The following SHROOM4 variants were observed in gnomAD, a reference collection of about 807,000 sequenced individuals.
SHROOM4 encodes protein Shroom4.
A neutral mutation model predicts 80.3 loss-of-function variants in SHROOM4; 17 were observed. The observed-to-expected ratio is 0.21, with a 90% CI of 0.14 to 0.32. The LOEUF (loss-of-function observed/expected upper bound fraction) is 0.32, where lower values mean the gene tolerates loss of function less well. Among genes scored for constraint, SHROOM4 ranks in the 10% least tolerant of loss-of-function variants. SHROOM4 has a pLI of 1.00. For missense variants in SHROOM4, 993 were observed against 1,140.3 expected (o/e 0.87, Z 1.86); for synonymous variants, 400 against 437.5 (o/e 0.91, Z 1.07).
intron 2 of SHROOM4, among the ~76,000 whole-genome samples, chrX:50,641,377 C>T (rs1178893250): frequency 8.9e-6 from 1 of 112,314 alleles, no homozygotes. Flanking sequence ...ACAATAATTC[C>T]TATCTGGCTA....
At chrX:50,687,390 A>G (rs1239972879) in intron 2 of SHROOM4, among the ~76,000 whole-genome samples, 1 of 110,422 alleles carries the variant, frequency 9.1e-6, no homozygotes, top group Non-Finnish European at 1.9e-5. Flanking sequence ...AGATTTGGCC[A>G]CAGACCATAG....
chrX:50,774,580 C>G (rs1272520037), intron 1 of SHROOM4, among the ~76,000 whole-genome samples: 1 of 109,663 alleles, frequency 9.1e-6, no homozygotes, highest in African/African-American at 3.3e-5. Flanking sequence ...ATAATCCTCA[C>G]CCACCAGGTG....
chrX:50,701,191 G>A (rs1397853538), intron 1 of SHROOM4, among the ~76,000 whole-genome samples: 1 of 112,034 alleles, frequency 8.9e-6, no homozygotes, highest in Non-Finnish European at 1.9e-5. Context: ...ATTAGCTCCA[G>A]TCAAATTCTA....
At chrX:50,693,660 T>G (rs1328898102) in intron 2 of SHROOM4, among the ~76,000 whole-genome samples, 1 of 108,713 alleles carries the variant, frequency 9.2e-6, no homozygotes, top group South Asian at 4.1e-4. Context: ...TACATACATA[T>G]AATGTGTAAT....
At chrX:50,602,486 T>G in intron 7 of SHROOM4, 147 bp downstream of exon 7, 2 of 554,859 alleles carry the variant, frequency 3.6e-6, no homozygotes, top group East Asian at 6.8e-5. Context: ...AGGACTTGGA[T>G]CTGTGAGAAA....
chrX:50,652,568 T>G (rs1297073966), intron 2 of SHROOM4, among the ~76,000 whole-genome samples: 1 of 112,177 alleles, frequency 8.9e-6, no homozygotes, highest in Non-Finnish European at 1.9e-5. Context: ...AGAAGCTCTT[T>G]AGTTTAATTA....
intron 1 of SHROOM4, among the ~76,000 whole-genome samples, chrX:50,705,477 A>G (rs926621391): frequency 1.8e-5 from 2 of 111,496 alleles, no homozygotes; most frequent in East Asian, 2.8e-4. Flanking sequence ...TTTTAAGTTA[A>G]GGCTGGATAA....
chrX:50,792,209 A>G (rs1252291580), intron 1 of SHROOM4, among the ~76,000 whole-genome samples: 4 of 112,293 alleles, frequency 3.6e-5, no homozygotes, highest in African/African-American at 1.3e-4. Context: ...TAACACAGTG[A>G]AAAGGTAGGC....
At chrX:50,627,775 C>G (rs1008097826) in intron 4 of SHROOM4, 100 bp from the exon 5 acceptor site, 2 of 680,413 alleles carry the variant, frequency 2.9e-6, no homozygotes, top group South Asian at 4.6e-5. Context: ...TCTGGCCCAG[C>G]CCCCCAGCTT....
intron 5 of SHROOM4, among the ~76,000 whole-genome samples, chrX:50,617,541 T>G (rs1278916766): frequency 1.8e-5 from 2 of 111,238 alleles, no homozygotes; most frequent in Non-Finnish European, 3.8e-5. Flanking sequence ...AAGTTTAGGG[T>G]TAAGAGCAGT....
chrX:50,812,559 G>A (rs1936358455), intron 1 of SHROOM4, among the ~76,000 whole-genome samples: 3 of 110,515 alleles, frequency 2.7e-5, no homozygotes, highest in African/African-American at 9.9e-5. Flanking sequence ...TCCTCAATCT[G>A]ATTGGTACAC....
chrX:50,787,795 C>G (rs1557271196), intron 1 of SHROOM4, among the ~76,000 whole-genome samples: 1 of 104,282 alleles, frequency 9.6e-6, no homozygotes, highest in African/African-American at 3.5e-5. Flanking sequence ...CCACCAGCAA[C>G]TAAGAATACT....
At chrX:50,622,238 G>A (rs1930603820) in intron 5 of SHROOM4, among the ~76,000 whole-genome samples, 1 of 111,214 alleles carries the variant, frequency 9.0e-6, no homozygotes, top group Non-Finnish European at 1.9e-5. Flanking sequence ...CAGTAAAACG[G>A]GAAAAATAAG....
At chrX:50,718,782 A>G (rs1347168023) in intron 1 of SHROOM4, among the ~76,000 whole-genome samples, 1 of 111,586 alleles carries the variant, frequency 9.0e-6, no homozygotes, top group African/African-American at 3.3e-5. Context: ...GGCAGGCCCA[A>G]AGATGATTAC....
intron 5 of SHROOM4, among the ~76,000 whole-genome samples, chrX:50,612,989 C>T (rs1215996531): frequency 5.4e-5 from 6 of 112,144 alleles, no homozygotes; most frequent in African/African-American, 1.9e-4. Flanking sequence ...AAGGTGCCCA[C>T]TTTCCCCACT....
At chrX:50,623,592 G>T (rs781936973) in intron 5 of SHROOM4, among the ~76,000 whole-genome samples, 1 of 112,135 alleles carries the variant, frequency 8.9e-6, no homozygotes, top group South Asian at 3.8e-4. Flanking sequence ...GTAAAATGGT[G>T]CAGTCGCTTT....
At chrX:50,701,468 C>G (rs1933515611) in intron 1 of SHROOM4, among the ~76,000 whole-genome samples, 1 of 111,738 alleles carries the variant, frequency 8.9e-6, no homozygotes, top group African/African-American at 3.3e-5. Context: ...TTTGTTTACA[C>G]TGAAGTGTTC....
At chrX:50,748,805 A>T in intron 1 of SHROOM4, among the ~76,000 whole-genome samples, 1 of 112,716 alleles carries the variant, frequency 8.9e-6, no homozygotes, top group Non-Finnish European at 1.9e-5. Flanking sequence ...AGACTGCCTC[A>T]CAAGAGGGAG....
At chrX:50,641,236 C>A (rs1201250459) in intron 2 of SHROOM4, among the ~76,000 whole-genome samples, 2 of 112,313 alleles carry the variant, frequency 1.8e-5, no homozygotes, top group Non-Finnish European at 3.8e-5. Flanking sequence ...CCAACTATAC[C>A]AAGCCAGTAG....
Sources: allele counts gnomAD v4.1 joint callset (sites outside exome capture counted in the v4.1 genomes callset), GRCh38; gene constraint gnomAD v4.1.1; transcripts MANE v1.5; gene names NCBI Gene and HGNC (gene_info 2026-07-23, HGNC 2026-07-21).